CEP152: variants seen among roughly 807,000 people sequenced by gnomAD.
The protein encoded by CEP152 is centrosomal protein 152, also known as centrosomal protein of 152 kDa.
CEP152 carries 132 observed loss-of-function variants against 188.9 expected under a neutral mutation model. The ratio of observed to expected loss-of-function variants is 0.70; its 90% confidence interval spans 0.61 to 0.81. The LOEUF is 0.81. Ranked by LOEUF, CEP152 falls within the 30% of genes least tolerant of loss-of-function variation. The pLI, the probability that CEP152 is intolerant of heterozygous loss-of-function variation, is 0.00. For missense variants in CEP152, 1,914 were observed against 1,969.8 expected (o/e 0.97, Z 0.54); for synonymous variants, 649 against 666.6 (o/e 0.97, Z 0.41).
chr15:48,787,974 T>C (rs1896764143), intron 9 of CEP152, among the ~76,000 whole-genome samples: 1 of 152,206 alleles, frequency 6.6e-6, no homozygotes, highest in Non-Finnish European at 1.5e-5. Context: ...GATCAGACTG[T>C]CTTATTTTAT....
At chr15:48,791,025 C>G (rs1443359981) in intron 8 of CEP152, among the ~76,000 whole-genome samples, 1 of 152,138 alleles carries the variant, frequency 6.6e-6, no homozygotes, top group Non-Finnish European at 1.5e-5. Context: ...GTTTAAAAAA[C>G]AGTTCTCCAA....
At chr15:48,757,604 G>A (rs1038142623) in intron 19 of CEP152, among the ~76,000 whole-genome samples, 1 of 152,098 alleles carries the variant, frequency 6.6e-6, no homozygotes, top group Non-Finnish European at 1.5e-5. Context: ...GCACAAGGAC[G>A]CACTAGTGTC....
chr15:48,767,983 G>C (rs147437506), intron 15 of CEP152, among the ~76,000 whole-genome samples: 1 of 152,244 alleles, frequency 6.6e-6, no homozygotes, highest in East Asian at 1.9e-4. Context: ...TAATATTTCA[G>C]TGAACTACAG....
At chr15:48,793,092 G>T (rs1186508285) in intron 7 of CEP152, among the ~76,000 whole-genome samples, 5 of 152,174 alleles carry the variant, frequency 3.3e-5, no homozygotes, top group African/African-American at 1.2e-4. Flanking sequence ...AAAGTGCTGG[G>T]ATTACAGGCG....
In CEP152 at chr15:48,742,104, T is replaced by C. The variant is rs755081856; in HGVS notation, c.3836-4A>G. ...TGAATATAACGAAGCATGTCACCTATAGGGAAGTGAGAAAATGCCCACAGA... is the reference window on the plus strand; with the variant it reads ...TGAATATAACGAAGCATGTCACCTACAGGGAAGTGAGAAAATGCCCACAGA... On this transcript the variant is annotated splice_region_variant and splice_polypyrimidine_tract_variant and intron_variant, in intron 24 of 26. Coordinates refer to ENST00000380950, the MANE Select transcript of CEP152 (RefSeq NM_001194998.2). The C allele has an allele frequency of 1.4e-5, 22 of 1,613,734 alleles. No individual in the cohort carries two copies. Among genetic ancestry groups the C allele is most frequent in the South Asian group, 7.7e-5 (7 of 91,076 alleles).
In CEP152 at chr15:48,756,117, T is replaced by G. The variant is rs1311544019; in HGVS notation, c.3131A>C (p.Glu1044Ala). The G allele has an allele frequency of 6.2e-7, 1 of 1,614,132 alleles. No homozygotes were observed. The highest frequency in any genetic ancestry group is 1.1e-5 in the South Asian group (1 of 91,082). ...RIQLEIYQYE[E>A]DILTVLGVLL... Reference sequence around the variant, plus strand: ...AACCCCAAGTACAGTCAGGATGTCTTCCTCATACTGATAGATTTCCAGTTG... The same window carrying G: ...AACCCCAAGTACAGTCAGGATGTCTGCCTCATACTGATAGATTTCCAGTTG... The change falls in exon 20 of 27, where the codon GAA (glutamate) becomes GCA (alanine). Residue 1044 changes from glutamate (E) to alanine (A), a missense_variant. By Grantham distance (107) the Glu-to-Ala change is moderately radical. Coordinates refer to ENST00000380950, the MANE Select transcript of CEP152 (RefSeq NM_001194998.2).
chr15:48,788,902 G>C lies in CEP152; in HGVS notation c.1072C>G (p.Gln358Glu). The change falls in exon 9 of 27, where the codon CAG becomes GAG. Residue 358 changes from glutamine to glutamate, a missense_variant. Coordinates refer to ENST00000380950, the MANE Select transcript of CEP152 (RefSeq NM_001194998.2). Reference sequence around the variant, plus strand: ...AGGCCCATAACAATGCTCTCATGCTGTTCTCTAGCTCGTTGAAGTGATTCA... The same window carrying C: ...AGGCCCATAACAATGCTCTCATGCTCTTCTCTAGCTCGTTGAAGTGATTCA... ...HSESLQRARE[Q>E]HESIVMGLTK... is the part of the protein sequence containing the mutation. 1 of 1,614,128 alleles carries C rather than the reference G, an allele frequency of 6.2e-7. No individual in the cohort carries two copies. The highest frequency in any genetic ancestry group is 1.1e-5 in the South Asian group (1 of 91,084).
intron 12 of CEP152, among the ~76,000 whole-genome samples, chr15:48,775,576 A>T (rs1044092634): frequency 6.6e-6 from 1 of 152,124 alleles, no homozygotes; most frequent in African/African-American, 2.4e-5. Context: ...ATTTTCATAA[A>T]AGGAAACAGA....
At chr15:48,793,595 G>A in intron 6 of CEP152, 134 bp from the exon 7 acceptor site, 1 of 766,642 alleles carries the variant, frequency 1.3e-6, no homozygotes, top group African/African-American at 1.8e-5. Context: ...ATTGTGACTA[G>A]GATTAAAAAA....
intron 2 of CEP152, among the ~76,000 whole-genome samples, chr15:48,800,558 A>T (rs1897608220): frequency 1.3e-5 from 2 of 152,232 alleles, no homozygotes; most frequent in African/African-American, 4.8e-5. Flanking sequence ...TAGAAACTAT[A>T]AATTTTCCTC....
chr15:48,741,584 G>A lies in CEP152; in HGVS notation c.4093+17C>T, dbSNP rs373283575. The stretch of plus-strand genomic sequence containing the variant: ...AGAAAAGATAGAAAAACCATTTGGC[G>A]ACTCACTTTGACATACCTGACTGTG... On this transcript the variant is annotated intron_variant, in intron 26 of 26. Transcript: ENST00000380950. 1.4e-5 allele frequency: 23 copies of A among 1,613,944 alleles called. No individual in the cohort carries two copies. The African/African-American group carries it at 1.7e-4, about 12-fold the overall frequency.
chr15:48,782,322 G>C (rs145956236), intron 10 of CEP152, 92 bp from the exon 11 acceptor site: 10 of 1,084,898 alleles, frequency 9.2e-6, no homozygotes, highest in Non-Finnish European at 1.3e-5. Context: ...TGAGGCTACA[G>C]AAAGTAAAGT....
intron 2 of CEP152, among the ~76,000 whole-genome samples, chr15:48,732,353 A>AT (rs1892450738): frequency 6.6e-6 from 1 of 152,254 alleles, no homozygotes; most frequent in Admixed American, 6.5e-5. Flanking sequence ...CTATGCAGCC[A>AT]TAAAAAAGAA....
intron 10 of CEP152, chr15:48,783,321 T>G (rs1896395737): frequency 6.6e-6 from 1 of 152,158 alleles, no homozygotes; most frequent in African/African-American, 2.4e-5. Flanking sequence ...AAGACCATAT[T>G]AGAAATCTGA....
chr15:48,774,418 C>T (rs1895751636), intron 12 of CEP152, among the ~76,000 whole-genome samples: 1 of 152,040 alleles, frequency 6.6e-6, no homozygotes, highest in Non-Finnish European at 1.5e-5. Flanking sequence ...TACATCACAC[C>T]AATGTCAGAT....
At chr15:48,753,189 A>C (rs1416856722) in intron 20 of CEP152, among the ~76,000 whole-genome samples, 1 of 152,136 alleles carries the variant, frequency 6.6e-6, no homozygotes, top group Non-Finnish European at 1.5e-5. Flanking sequence ...GCCAGGCTGA[A>C]GGGCATTGGC....
intron 2 of CEP152, among the ~76,000 whole-genome samples, chr15:48,799,714 AAAAAC>A (rs1373972223): frequency 6.6e-6 from 1 of 152,212 alleles, no homozygotes; most frequent in Admixed American, 6.5e-5. Flanking sequence ...ACACAACATG[AAAAAC>A]AAAACAGAAC....
At chr15:48,731,556 A>C (rs1425712644) in intron 2 of CEP152, among the ~76,000 whole-genome samples, 1 of 152,200 alleles carries the variant, frequency 6.6e-6, no homozygotes, top group Non-Finnish European at 1.5e-5. Context: ...TAAAGACTTA[A>C]ATGTAAAACC....
In CEP152 at chr15:48,788,911, C is replaced by T; in HGVS notation, c.1063G>A (p.Ala355Thr). The T allele has an allele frequency of 6.2e-7, 1 of 1,614,136 alleles. No individual in the cohort carries two copies. Among genetic ancestry groups the T allele is most frequent in the Non-Finnish European group, 8.5e-7 (1 of 1,180,028 alleles). ...ACAATGCTCTCATGCTGTTCTCTAGCTCGTTGAAGTGATTCAGAATGATGA... is the reference window on the plus strand; with the variant it reads ...ACAATGCTCTCATGCTGTTCTCTAGTTCGTTGAAGTGATTCAGAATGATGA... ...DLHHSESLQR[A>T]REQHESIVMG... Residue 355 changes from alanine (A) to threonine (T), a missense_variant, in exon 9 of 27, where the codon GCT becomes ACT. Transcript: ENST00000380950.
Sources: gnomAD v4.1 joint callset for allele counts (sites outside exome capture counted in the v4.1 genomes callset) on GRCh38, gnomAD v4.1.1 for gene constraint, MANE v1.5 for transcripts, NCBI Gene and HGNC (gene_info 2026-07-23, HGNC 2026-07-21) for gene names.